TMEM132D: variants seen among roughly 807,000 people sequenced by gnomAD.
TMEM132D encodes transmembrane protein 132D.
Under a neutral mutation model 62.3 loss-of-function variants are expected in TMEM132D, and 21 were observed. The observed-to-expected ratio is 0.34, with a 90% CI of 0.24 to 0.49. TMEM132D has a LOEUF of 0.49. TMEM132D is among the 20% of genes least tolerant of loss of function. The probability of loss-of-function intolerance (pLI) is 0.99; values close to 1 mark genes in which losing one functional copy is unlikely to be tolerated. For missense variants in TMEM132D, 1,346 were observed against 1,402.8 expected (o/e 0.96, Z 0.65); for synonymous variants, 621 against 575.6 (o/e 1.08, Z -1.13).
chr12:129,225,164 C>T (rs1438766120), intron 4 of TMEM132D, among the ~76,000 whole-genome samples: 1 of 152,120 alleles, frequency 6.6e-6, no homozygotes, highest in African/African-American at 2.4e-5. Flanking sequence ...GGAAAAGTTT[C>T]CATGCTATTG....
At chr12:129,213,501 C>CAAACA (rs144820911) in intron 4 of TMEM132D, among the ~76,000 whole-genome samples, 70,747 of 150,438 alleles carry the variant, frequency 0.47, 16,887 homozygotes, top group East Asian at 0.52. Flanking sequence ...TCTCTCAAAA[C>CAAACA]AAACAAAACA....
chr12:129,799,342 A>G (rs988619526), intron 1 of TMEM132D, among the ~76,000 whole-genome samples: 15 of 143,224 alleles, frequency 1.0e-4, no homozygotes, highest in East Asian at 6.1e-4. Context: ...ATGTATATAT[A>G]TGTGTATATA....
chr12:129,324,272 C>T (rs1235003794), intron 4 of TMEM132D, among the ~76,000 whole-genome samples: 2 of 152,100 alleles, frequency 1.3e-5, no homozygotes, highest in East Asian at 1.9e-4. Context: ...TCTGACTGTT[C>T]GCATAACCAA....
chr12:129,257,842 A>T (rs573862284), intron 4 of TMEM132D, among the ~76,000 whole-genome samples: 1 of 152,174 alleles, frequency 6.6e-6, no homozygotes, highest in Non-Finnish European at 1.5e-5. Context: ...ACTCTGAGAA[A>T]GGGAGGAATA....
chr12:129,263,853 G>T (rs113659686), intron 4 of TMEM132D, among the ~76,000 whole-genome samples: 4,537 of 152,204 alleles, frequency 0.03, 212 homozygotes, highest in African/African-American at 0.099. Context: ...GAGATGGGAA[G>T]TGTATTCAGT....
chr12:129,113,013 A>G (rs183814484), intron 5 of TMEM132D: 43 of 152,280 alleles, frequency 2.8e-4, no homozygotes, highest in African/African-American at 9.9e-4. Context: ...GTATTAATTG[A>G]CATAGTTTTC....
chr12:129,724,032 C>T (rs527692903), intron 1 of TMEM132D, among the ~76,000 whole-genome samples: 32 of 152,056 alleles, frequency 2.1e-4, no homozygotes, highest in Non-Finnish European at 3.5e-4. Context: ...CTGGGTGGGT[C>T]CAATAACATC....
At chr12:129,525,800 ACT>A (rs1413778721) in intron 3 of TMEM132D, among the ~76,000 whole-genome samples, 4 of 152,056 alleles carry the variant, frequency 2.6e-5, no homozygotes, top group Non-Finnish European at 5.9e-5. Flanking sequence ...TGTTCTTCCC[ACT>A]CTCTTTGCGG....
intron 5 of TMEM132D, among the ~76,000 whole-genome samples, chr12:129,121,837 T>C (rs1293926660): frequency 1.3e-5 from 2 of 152,118 alleles, no homozygotes; most frequent in Non-Finnish European, 2.9e-5. Context: ...GATAAAATAG[T>C]TTGATATTTT....
intron 2 of TMEM132D, among the ~76,000 whole-genome samples, chr12:129,571,494 C>T (rs1593070188): frequency 6.6e-6 from 1 of 152,148 alleles, no homozygotes; most frequent in Non-Finnish European, 1.5e-5. Context: ...ATGGCTTGAA[C>T]CCAGGAGGCA....
At chr12:129,845,742 T>A (rs1462633927) in intron 1 of TMEM132D, among the ~76,000 whole-genome samples, 2 of 152,194 alleles carry the variant, frequency 1.3e-5, no homozygotes, top group African/African-American at 4.8e-5. Context: ...CCAGGAGGGT[T>A]CTTGGCATTG....
intron 1 of TMEM132D, among the ~76,000 whole-genome samples, chr12:129,790,162 G>A (rs1871362664): frequency 6.6e-6 from 1 of 152,120 alleles, no homozygotes; most frequent in East Asian, 1.9e-4. Context: ...GTACCAGCAG[G>A]AGCAAAACTC....
chr12:129,621,368 G>C, intron 2 of TMEM132D, among the ~76,000 whole-genome samples: 1 of 152,020 alleles, frequency 6.6e-6, no homozygotes, highest in East Asian at 1.9e-4. Flanking sequence ...GCTCTCTGGG[G>C]AGCTCAGCAC....
rs1593164955 is a variant in TMEM132D at position 129,796,300 on chromosome 12, C to T, written c.80-95602G>A. 2.0e-5 allele frequency among the ~76,000 whole-genome samples: 3 copies of T among 152,078 alleles called. No individual in the cohort carries two copies. In the South Asian group the frequency reaches 6.2e-4, roughly 32 times the overall value. Reference sequence around the variant, plus strand: ...ATTTTTATTCAGTTTGAATCTTTCCCACCTACTCATTTGTTCCAATTTTTG... The same window carrying T: ...ATTTTTATTCAGTTTGAATCTTTCCTACCTACTCATTTGTTCCAATTTTTG... On this transcript the variant is annotated intron_variant, in intron 1 of 8. Transcript: ENST00000422113.
rs4759944 is a variant in TMEM132D at position 129,454,715 on chromosome 12, G to A, written c.1115+76344C>T. The stretch of plus-strand genomic sequence containing the variant: ...TGTTGCAGGAACCAAGGACAGCGGG[G>A]TCTACAAAAGAACTGATTCCACCAT... On this transcript the variant is annotated intron_variant, in intron 3 of 8. Transcript: ENST00000422113. Among the ~76,000 whole-genome samples, 3,277 of 152,246 alleles carry A rather than the reference G, an allele frequency of 0.022. 294 individuals carry two copies. The East Asian group carries it at 0.29, about 14-fold the overall frequency.
intron 5 of TMEM132D, among the ~76,000 whole-genome samples, chr12:129,183,004 CTT>C (rs1878110846): frequency 6.6e-6 from 1 of 152,156 alleles, no homozygotes; most frequent in East Asian, 1.9e-4. Context: ...CTCTCTCTCT[CTT>C]TGGGGCTAAA....
At chr12:129,450,951 A>G (rs1034721438) in intron 3 of TMEM132D, among the ~76,000 whole-genome samples, 11 of 151,756 alleles carry the variant, frequency 7.2e-5, no homozygotes, top group African/African-American at 2.7e-4. Flanking sequence ...TTTAGTAAAG[A>G]CAGGGTTTCA....
intron 2 of TMEM132D, among the ~76,000 whole-genome samples, chr12:129,568,734 T>C (rs1434749164): frequency 6.6e-6 from 1 of 152,258 alleles, no homozygotes; most frequent in African/African-American, 2.4e-5. Context: ...CAATTCATTA[T>C]ATTTAATGGT....
At chr12:129,341,862 T>C (rs1451210558) in intron 3 of TMEM132D, among the ~76,000 whole-genome samples, 2 of 152,022 alleles carry the variant, frequency 1.3e-5, no homozygotes, top group Admixed American at 6.6e-5. Flanking sequence ...GGAATCCAAC[T>C]TACAAGGGAT....
Sources: gnomAD v4.1 joint callset for allele counts (sites outside exome capture counted in the v4.1 genomes callset) on GRCh38, gnomAD v4.1.1 for gene constraint, MANE v1.5 for transcripts, NCBI Gene and HGNC (gene_info 2026-07-23, HGNC 2026-07-21) for gene names.